The following SLC24A2 variants were observed in gnomAD, a reference collection of about 807,000 sequenced individuals.
SLC24A2 encodes the protein sodium/potassium/calcium exchanger 2.
A neutral mutation model predicts 62.0 loss-of-function variants in SLC24A2; 36 were observed. That is an observed-to-expected ratio of 0.58 (90% CI 0.44 to 0.77). The LOEUF (loss-of-function observed/expected upper bound fraction) is 0.77, where lower values mean the gene tolerates loss of function less well. Among genes scored for constraint, SLC24A2 ranks in the 30% least tolerant of loss-of-function variants. SLC24A2 has a pLI of 0.00. For synonymous variants in SLC24A2, 358 were observed against 294.0 expected (o/e 1.22, Z -2.23); for missense variants, 846 against 817.9 (o/e 1.03, Z -0.42).
chr9:19,572,485 G>A (rs1023683094), intron 7 of SLC24A2, among the ~76,000 whole-genome samples: 1 of 152,036 alleles, frequency 6.6e-6, no homozygotes, highest in African/African-American at 2.4e-5. Context: ...GGGTTCTCAT[G>A]AGATCTGGCT....
chr9:19,783,249 A>G (rs952658384), intron 2 of SLC24A2, among the ~76,000 whole-genome samples: 2 of 152,230 alleles, frequency 1.3e-5, no homozygotes, highest in African/African-American at 4.8e-5. Context: ...GATGATTTGT[A>G]TAAGAATATC....
the SLC24A2 span, among the ~76,000 whole-genome samples, chr9:20,188,618 T>C: frequency 1.3e-5 from 2 of 152,194 alleles, no homozygotes; most frequent in Non-Finnish European, 2.9e-5. Context: ...GGGCTTGATG[T>C]AGTCACAGTG....
chr9:19,720,915 A>G (rs1239404355), intron 2 of SLC24A2, among the ~76,000 whole-genome samples: 1 of 150,742 alleles, frequency 6.6e-6, no homozygotes, highest in Admixed American at 6.6e-5. Flanking sequence ...AGCATCACAT[A>G]TTTCCTTGAT....
the SLC24A2 span, among the ~76,000 whole-genome samples, chr9:20,299,788 C>T: frequency 1.3e-5 from 2 of 152,190 alleles, no homozygotes; most frequent in South Asian, 2.1e-4. Flanking sequence ...GAAACTTGCT[C>T]GATGTCACAG....
chr9:19,693,397 A>C (rs1386312924), intron 2 of SLC24A2, among the ~76,000 whole-genome samples: 4 of 152,166 alleles, frequency 2.6e-5, no homozygotes, highest in Non-Finnish European at 5.9e-5. Flanking sequence ...TGGTAGGTGC[A>C]CCATGACTGT....
chr9:20,132,225 C>T, the SLC24A2 span, among the ~76,000 whole-genome samples: 19 of 151,980 alleles, frequency 1.3e-4, no homozygotes, highest in South Asian at 3.1e-3. Flanking sequence ...TGGGCTTCAC[C>T]GCGCAGAAGC....
chr9:19,862,655 G>T, the SLC24A2 span, among the ~76,000 whole-genome samples: 1 of 151,882 alleles, frequency 6.6e-6, no homozygotes, highest in African/African-American at 2.4e-5. Context: ...CAATAAGAAG[G>T]TATAAACAGT....
the SLC24A2 span, among the ~76,000 whole-genome samples, chr9:19,979,337 A>G: frequency 6.6e-6 from 1 of 152,138 alleles, no homozygotes; most frequent in Non-Finnish European, 1.5e-5. Context: ...TCCTCCTCAG[A>G]CCACATTTTG....
the SLC24A2 span, among the ~76,000 whole-genome samples, chr9:19,945,640 G>A: frequency 3.6e-3 from 552 of 152,204 alleles, 4 homozygotes; most frequent in African/African-American, 0.012. Flanking sequence ...GAATCCTCAC[G>A]ATACTCCTTT....
chr9:19,758,500 T>G (rs566979060), intron 2 of SLC24A2, among the ~76,000 whole-genome samples: 8 of 152,308 alleles, frequency 5.3e-5, no homozygotes, highest in African/African-American at 1.7e-4. Flanking sequence ...TTCTGAACTT[T>G]CCTTATTTAT....
chr9:19,944,036 C>T, the SLC24A2 span, among the ~76,000 whole-genome samples: 1 of 152,076 alleles, frequency 6.6e-6, no homozygotes, highest in Non-Finnish European at 1.5e-5. Context: ...TGTATGTTCT[C>T]ACTTATAAGT....
chr9:19,630,278 A>G (rs933034934), intron 2 of SLC24A2, among the ~76,000 whole-genome samples: 1 of 152,194 alleles, frequency 6.6e-6, no homozygotes, highest in Non-Finnish European at 1.5e-5. Context: ...ATAAAATTAT[A>G]AACAACACAT....
chr9:19,666,007 G>A (rs1454816323), intron 2 of SLC24A2, among the ~76,000 whole-genome samples: 1 of 152,096 alleles, frequency 6.6e-6, no homozygotes, highest in Non-Finnish European at 1.5e-5. Flanking sequence ...GTTAGTATAT[G>A]TAAAGAGCAT....
At chr9:19,564,575 G>C (rs921537131) in intron 7 of SLC24A2, among the ~76,000 whole-genome samples, 4 of 152,012 alleles carry the variant, frequency 2.6e-5, no homozygotes, top group African/African-American at 9.7e-5. Context: ...ACATTCCTAG[G>C]AATGTCATTT....
At chr9:19,986,360 T>C in the SLC24A2 span, among the ~76,000 whole-genome samples, 1 of 152,044 alleles carries the variant, frequency 6.6e-6, no homozygotes, top group Non-Finnish European at 1.5e-5. Context: ...GTTTGGTTGC[T>C]GTACAAAACT....
chr9:19,517,848 C>T (rs1252408630), intron 10 of SLC24A2, among the ~76,000 whole-genome samples: 1 of 150,936 alleles, frequency 6.6e-6, no homozygotes, highest in African/African-American at 2.4e-5. Context: ...AGGGACTTGG[C>T]CTGGGAAACT....
chr9:19,696,446 C>A (rs1820194030), intron 2 of SLC24A2, among the ~76,000 whole-genome samples: 2 of 152,172 alleles, frequency 1.3e-5, no homozygotes, highest in Non-Finnish European at 2.9e-5. Context: ...TCCATTTTCA[C>A]TCTGTACGCC....
the SLC24A2 span, among the ~76,000 whole-genome samples, chr9:20,275,918 GAGAACAGC>G: frequency 1.3e-5 from 2 of 152,178 alleles, no homozygotes; most frequent in East Asian, 3.9e-4. Flanking sequence ...TCACTATCGT[GAGAACAGC>G]ATGTGAAGAA....
At chr9:19,677,408 CA>C (rs1458602957) in intron 2 of SLC24A2, among the ~76,000 whole-genome samples, 3 of 152,142 alleles carry the variant, frequency 2.0e-5, no homozygotes, top group African/African-American at 7.2e-5. Flanking sequence ...GGGAGGGGAA[CA>C]ACACACAGTG....
Sources: allele counts gnomAD v4.1 joint callset (sites outside exome capture counted in the v4.1 genomes callset), GRCh38; gene constraint gnomAD v4.1.1; transcripts MANE v1.5; gene names NCBI Gene and HGNC (gene_info 2026-07-23, HGNC 2026-07-21).